Variants in GALNT15 observed in about 807,000 individuals in gnomAD.
GALNT15 encodes the protein UDP-GalNAc transferase T15.
A neutral mutation model predicts 66.8 loss-of-function variants in GALNT15; 67 were observed. The observed-to-expected ratio is 1.00, with a 90% CI of 0.82 to 1.23. The LOEUF (loss-of-function observed/expected upper bound fraction) is 1.23, where lower values mean the gene tolerates loss of function less well. Ranked by LOEUF, GALNT15 falls within the 50% of genes most tolerant of loss-of-function variation. GALNT15 has a pLI of 0.00. For synonymous variants in GALNT15, 313 were observed against 311.5 expected, an observed-to-expected ratio of 1.00 and a Z score of -0.05; for missense variants, 827 against 804.3, an observed-to-expected ratio of 1.03 and a Z score of -0.34.
chr3:16,246,505 T>C, the GALNT15 span, among the ~76,000 whole-genome samples: 1 of 152,060 alleles, frequency 6.6e-6, no homozygotes, highest in Non-Finnish European at 1.5e-5. Flanking sequence ...TTTGTATTTT[T>C]AGTAGAGACG....
At chr3:16,201,542 A>G (rs2063703969) in intron 3 of GALNT15, among the ~76,000 whole-genome samples, 1 of 152,162 alleles carries the variant, frequency 6.6e-6, no homozygotes, top group South Asian at 2.1e-4. Context: ...TCTGAACTAC[A>G]CTAGGCCGTA....
At chr3:16,244,115 G>A in the GALNT15 span, 7,683 of 583,996 alleles carry the variant, frequency 0.013, 76 homozygotes, top group South Asian at 0.034. Context: ...CCGATCGATA[G>A]GACTCTTCTA....
intron 3 of GALNT15, among the ~76,000 whole-genome samples, chr3:16,206,526 A>T (rs1257966219): frequency 3.3e-5 from 5 of 151,914 alleles, no homozygotes; most frequent in African/African-American, 9.7e-5. Flanking sequence ...TACAAAAATT[A>T]GCCGGGCGTT....
Position 16,181,749 on chromosome 3 carries a change from G to C in GALNT15, c.539+6059G>C, listed in dbSNP as rs1448946748. ...GAACAAGCTGGGCTTGAGACCTGGGGCTGGAACTTAGCTCAATTCCCCCCA... is the reference window on the plus strand; with the variant it reads ...GAACAAGCTGGGCTTGAGACCTGGGCCTGGAACTTAGCTCAATTCCCCCCA... On this transcript the variant is annotated intron_variant, in intron 1 of 9. Transcript: ENST00000339732. This position sits in a 1 kb window ranked among gnomAD's most constrained non-coding sequence, Gnocchi z 5.9. Among the ~76,000 whole-genome samples, 1 of 152,154 alleles carries C rather than the reference G, an allele frequency of 6.6e-6. No homozygotes were observed. The highest frequency in any genetic ancestry group is 1.5e-5 in the Non-Finnish European group (1 of 68,032).
downstream of GALNT15, among the ~76,000 whole-genome samples, chr3:16,233,523 C>CT (rs1440809513): frequency 6.6e-6 from 1 of 152,010 alleles, no homozygotes; most frequent in African/African-American, 2.4e-5. Flanking sequence ...GTTTTTTAAC[C>CT]TTTTTTTGTT....
At chr3:16,222,559 C>T in intron 8 of GALNT15, 56 bp from the exon 9 acceptor site, 1 of 1,608,360 alleles carries the variant, frequency 6.2e-7, no homozygotes, top group Non-Finnish European at 8.5e-7. Flanking sequence ...ACCTCCTCTA[C>T]AGCTTTGAAG....
At chr3:16,197,182 C>T (rs888182084) in intron 2 of GALNT15, among the ~76,000 whole-genome samples, 6 of 152,204 alleles carry the variant, frequency 3.9e-5, no homozygotes, top group South Asian at 4.1e-4. Context: ...AGCTGTGTTA[C>T]GTCTGTGCCC....
chr3:16,228,013 A>G lies in GALNT15; in HGVS notation c.*513A>G. On this transcript the variant is annotated 3_prime_UTR_variant, in exon 10 of 10. Transcript: ENST00000339732. ...ATGTTGTGTTCATTTGTTGAGCCAT[A>G]TCTCAGAAGAAGGAAAGGGAGCTAC... 4 of 987,756 alleles carry G rather than the reference A, an allele frequency of 4.0e-6. No individual in the cohort carries two copies. The highest frequency in any genetic ancestry group is 4.8e-6 in the Non-Finnish European group (4 of 831,454). 61.2% of individuals were successfully genotyped at this position (987,756 alleles called of 1,614,324 possible).
chr3:16,236,091 C>T (rs1270326959), downstream of GALNT15, among the ~76,000 whole-genome samples: 1 of 28,614 alleles, frequency 3.5e-5, no homozygotes, highest in African/African-American at 1.1e-4. Context: ...GGCAACAGAG[C>T]AAGACTATGT....
At chr3:16,206,814 C>T (rs1453106936) in intron 3 of GALNT15, among the ~76,000 whole-genome samples, 7 of 151,882 alleles carry the variant, frequency 4.6e-5, no homozygotes, top group African/African-American at 1.5e-4. Context: ...TCATGCATTT[C>T]TTCCTAATTC....
Position 16,199,221 on chromosome 3 carries a change from CAT to C in GALNT15, c.707-1397_707-1396del, listed in dbSNP as rs1217720343. On this transcript the variant is annotated intron_variant, in intron 2 of 9. Transcript: ENST00000339732. ...ACACAGACATGCACACACACACACA[CAT>C]GCACTCACACACACAATCAAGTTAT... is the stretch of plus-strand genomic sequence containing the variant. Among the ~76,000 whole-genome samples, 8 of 141,390 alleles carry C rather than the reference CAT, an allele frequency of 5.7e-5. 2 individuals are homozygous for C. Among genetic ancestry groups the C allele is most frequent in the African/African-American group, 1.3e-4 (5 of 37,494 alleles). The allele number at this position is 141,390 out of a possible 152,430, so 92.8% of individuals were successfully genotyped here.
At chr3:16,226,033 A>G (rs2064010923) in intron 9 of GALNT15, among the ~76,000 whole-genome samples, 1 of 150,458 alleles carries the variant, frequency 6.6e-6, no homozygotes, top group South Asian at 2.1e-4. Context: ...TGGGTGACAG[A>G]GCAAGACTCC....
intron 2 of GALNT15, among the ~76,000 whole-genome samples, chr3:16,196,601 C>T (rs1020223488): frequency 2.6e-5 from 4 of 152,212 alleles, no homozygotes; most frequent in African/African-American, 9.6e-5. Flanking sequence ...GAGCATGCAT[C>T]GGAATCACCT....
At chr3:16,210,360 A>G (rs1431165830) in intron 4 of GALNT15, among the ~76,000 whole-genome samples, 1 of 152,230 alleles carries the variant, frequency 6.6e-6, no homozygotes. Context: ...TATAACCTAA[A>G]GACCAGTAGC....
chr3:16,240,828 C>T, the GALNT15 span, among the ~76,000 whole-genome samples: 6 of 152,310 alleles, frequency 3.9e-5, no homozygotes, highest in Admixed American at 6.5e-5. Context: ...TAATGACCCG[C>T]CTCCCCAGCA....
rs960582041 is a variant in GALNT15, at chr3:16,189,133, T to G, written c.540-6627T>G. Among the ~76,000 whole-genome samples the G allele has an allele frequency of 1.1e-4, 17 of 152,340 alleles. No individual in the cohort carries two copies. Among genetic ancestry groups the G allele is most frequent in the Admixed American group, 9.8e-4 (15 of 15,304 alleles). ...AAAGCCACTGGATGAGCAAGAAGAT[T>G]GGAGAGCTTTGCTCCCGGTGGCAGC... On this transcript the variant is annotated intron_variant, in intron 1 of 9. Transcript: ENST00000339732. The surrounding 1 kb of genome is among the most constrained non-coding windows in gnomAD (Gnocchi z 5.1).
At chr3:16,185,644 T>C (rs2063508772) in intron 1 of GALNT15, among the ~76,000 whole-genome samples, 1 of 152,234 alleles carries the variant, frequency 6.6e-6, no homozygotes, top group South Asian at 2.1e-4. Context: ...GTGGAGGAAC[T>C]GATGGATCGC....
chr3:16,185,777 AGATAGATAGATAGAT>A (rs2063510819), intron 1 of GALNT15, among the ~76,000 whole-genome samples: 1 of 144,676 alleles, frequency 6.9e-6, no homozygotes, highest in Non-Finnish European at 1.6e-5. Context: ...ATAGATAGAT[AGATAGATAGATAGAT>A]GATAGATTAT....
downstream of GALNT15, among the ~76,000 whole-genome samples, chr3:16,235,288 G>C (rs531653517): frequency 2.5e-4 from 38 of 152,278 alleles, no homozygotes; most frequent in Admixed American, 2.2e-3. Context: ...TGAATATGGA[G>C]TGGAGAGAGG....
Sources: allele counts gnomAD v4.1 joint callset (sites outside exome capture counted in the v4.1 genomes callset), GRCh38; gene constraint gnomAD v4.1.1; non-coding constraint Gnocchi (gnomAD v3.1); transcripts MANE v1.5; gene names NCBI Gene and HGNC (gene_info 2026-07-23, HGNC 2026-07-21).